LSAMP: variants seen among roughly 807,000 people sequenced by gnomAD.
LSAMP encodes the protein limbic system associated membrane protein, also known as limbic system-associated membrane protein.
LSAMP carries 7 observed loss-of-function variants against 38.6 expected under a neutral mutation model. The ratio of observed to expected loss-of-function variants is 0.18; its 90% CI spans 0.10 to 0.34. LSAMP has a LOEUF of 0.34. Among genes scored for constraint, LSAMP ranks in the 10% least tolerant of loss-of-function variants. The pLI is 1.00. For synonymous variants in LSAMP, 154 were observed against 166.8 expected (o/e 0.92, Z 0.59); for missense variants, 313 against 420.0 (o/e 0.75, Z 2.23).
At chr3:116,064,355 G>A (rs763338625) in intron 2 of LSAMP, among the ~76,000 whole-genome samples, 2 of 152,032 alleles carry the variant, frequency 1.3e-5, no homozygotes, top group East Asian at 1.9e-4. Context: ...GTGAAACCCC[G>A]TCTCTACTAA....
intron 1 of LSAMP, among the ~76,000 whole-genome samples, chr3:116,214,501 T>A (rs368418931): frequency 5.0e-3 from 379 of 75,560 alleles, no homozygotes; most frequent in African/African-American, 0.023. Flanking sequence ...AAATGGGTCT[T>A]TTTTTTTTTT....
At chr3:116,373,845 A>G (rs2048462328) in intron 1 of LSAMP, among the ~76,000 whole-genome samples, 1 of 151,916 alleles carries the variant, frequency 6.6e-6, no homozygotes, top group Non-Finnish European at 1.5e-5. Flanking sequence ...TCTATAATCA[A>G]TATTGAGGTT....
Position 116,273,791 on chromosome 3 carries a change from A to ATATCATC in LSAMP, c.155+171085_155+171086insGATGATA, listed in dbSNP as rs146252142. On this transcript the variant is annotated intron_variant, in intron 1 of 6. Coordinates refer to ENST00000490035, the MANE Select transcript of LSAMP (RefSeq NM_002338.5). Reference sequence around the variant, plus strand: ...TTGAATTATGTAATTACAGATATATATATCTTTCTCTTTTTCTTTCTTTCT... The same window carrying ATATCATC: ...TTGAATTATGTAATTACAGATATATATATCATCTATCTTTCTCTTTTTCTTTCTTTCT... Among the ~76,000 whole-genome samples the ATATCATC allele has an allele frequency of 1.3e-4, 18 of 141,448 alleles. No individual in the cohort carries two copies. In the East Asian group the frequency reaches 3.3e-3, roughly 26 times the overall value. The allele number at this position is 141,448 out of a possible 152,430, so 92.8% of individuals were successfully genotyped here.
chr3:116,061,062 G>C (rs1411850362), intron 2 of LSAMP, among the ~76,000 whole-genome samples: 1 of 152,026 alleles, frequency 6.6e-6, no homozygotes, highest in Non-Finnish European at 1.5e-5. Flanking sequence ...AATGGAATCA[G>C]GGACTAGGAG....
chr3:116,407,433 G>A (rs2048911247), intron 1 of LSAMP, among the ~76,000 whole-genome samples: 1 of 152,012 alleles, frequency 6.6e-6, no homozygotes, highest in Non-Finnish European at 1.5e-5. Context: ...ATTCTCAATA[G>A]TAGTAAGGTT....
intron 1 of LSAMP, among the ~76,000 whole-genome samples, chr3:116,210,002 C>T (rs559004336): frequency 6.6e-6 from 1 of 152,260 alleles, no homozygotes; most frequent in African/African-American, 2.4e-5. Context: ...GATCCGCCCA[C>T]CTCGGCCTCG....
At chr3:116,290,460 A>T (rs2047249291) in intron 1 of LSAMP, among the ~76,000 whole-genome samples, 1 of 151,994 alleles carries the variant, frequency 6.6e-6, no homozygotes, top group Non-Finnish European at 1.5e-5. Flanking sequence ...GGCTGGGCGC[A>T]GTGGCTCACG....
intron 2 of LSAMP, among the ~76,000 whole-genome samples, chr3:116,079,659 A>G (rs912967977): frequency 8.6e-5 from 13 of 151,518 alleles, no homozygotes; most frequent in African/African-American, 2.9e-4. Context: ...AAAAGAATGA[A>G]AGAAGCCTTA....
intron 3 of LSAMP, among the ~76,000 whole-genome samples, chr3:115,955,036 G>A (rs1228994775): frequency 6.6e-6 from 1 of 151,250 alleles, no homozygotes; most frequent in Non-Finnish European, 1.5e-5. Flanking sequence ...CTCACTGCAA[G>A]CTCCGCCTCC....
chr3:116,142,296 C>A (rs1456610552), intron 1 of LSAMP, among the ~76,000 whole-genome samples: 1 of 152,014 alleles, frequency 6.6e-6, no homozygotes, highest in Non-Finnish European at 1.5e-5. Flanking sequence ...GGATGACTGA[C>A]ACTGTTTCCC....
chr3:115,940,549 C>T (rs142490313), intron 3 of LSAMP, among the ~76,000 whole-genome samples: 10 of 152,256 alleles, frequency 6.6e-5, no homozygotes, highest in East Asian at 3.9e-4. Flanking sequence ...TCAGATATTA[C>T]GTTTAAATCT....
chr3:115,935,918 T>TA (rs1363259008), intron 3 of LSAMP, among the ~76,000 whole-genome samples: 2 of 152,182 alleles, frequency 1.3e-5, no homozygotes, highest in Admixed American at 1.3e-4. Flanking sequence ...CATGCTGTAA[T>TA]ACCTGTCCCA....
intron 1 of LSAMP, among the ~76,000 whole-genome samples, chr3:116,386,470 C>A: frequency 6.6e-6 from 1 of 152,052 alleles, no homozygotes; most frequent in South Asian, 2.1e-4. Flanking sequence ...AGTACATATT[C>A]TTCTCTCTCT....
chr3:116,182,203 T>C (rs1469565753), intron 1 of LSAMP, among the ~76,000 whole-genome samples: 1 of 151,870 alleles, frequency 6.6e-6, no homozygotes, highest in East Asian at 1.9e-4. Context: ...GACACCTCTG[T>C]AGCAAATGAT....
intron 1 of LSAMP, among the ~76,000 whole-genome samples, chr3:116,304,107 T>TTCTC (rs1158709616): frequency 1.3e-5 from 2 of 152,174 alleles, no homozygotes; most frequent in Non-Finnish European, 2.9e-5. Flanking sequence ...TGGTAAGACG[T>TTCTC]TCTCTGCAGT....
intron 1 of LSAMP, among the ~76,000 whole-genome samples, chr3:116,219,058 G>C (rs571405763): frequency 1.6e-4 from 25 of 152,188 alleles, no homozygotes; most frequent in East Asian, 3.9e-4. Context: ...GATCTCTAAA[G>C]CTTATTAATC....
At chr3:116,062,477 C>T (rs1046545022) in intron 2 of LSAMP, among the ~76,000 whole-genome samples, 1 of 152,080 alleles carries the variant, frequency 6.6e-6, no homozygotes, top group African/African-American at 2.4e-5. Flanking sequence ...GATTGTGCCA[C>T]TGCACTCCAA....
At chr3:116,043,650 T>TA (rs1162152849) in intron 2 of LSAMP, among the ~76,000 whole-genome samples, 4 of 151,860 alleles carry the variant, frequency 2.6e-5, no homozygotes, top group African/African-American at 4.8e-5. Context: ...AAAATGAAAA[T>TA]AAAAAAATAT....
intron 1 of LSAMP, among the ~76,000 whole-genome samples, chr3:116,236,389 G>C (rs528230945): frequency 2.0e-5 from 3 of 152,146 alleles, no homozygotes; most frequent in African/African-American, 7.2e-5. Context: ...TTTCCAATTT[G>C]TTTTAAGGTT....
Sources: gnomAD v4.1 joint callset for allele counts (sites outside exome capture counted in the v4.1 genomes callset) on GRCh38, gnomAD v4.1.1 for gene constraint, MANE v1.5 for transcripts, NCBI Gene and HGNC (gene_info 2026-07-23, HGNC 2026-07-21) for gene names.